CNTNAP5: variants seen among roughly 807,000 people sequenced by gnomAD.
CNTNAP5 encodes contactin-associated protein-like 5.
CNTNAP5 carries 72 observed loss-of-function variants against 150.2 expected under a neutral mutation model. The observed-to-expected ratio is 0.48, with a 90% CI of 0.40 to 0.58. The LOEUF (loss-of-function observed/expected upper bound fraction) is 0.58, where lower values mean the gene tolerates loss of function less well. Ranked by LOEUF, CNTNAP5 falls within the 20% of genes least tolerant of loss-of-function variation. The pLI, the probability that CNTNAP5 is intolerant of heterozygous loss-of-function variation, is 0.00. For synonymous variants in CNTNAP5, 672 were observed against 619.8 expected (o/e 1.08, Z -1.25); for missense variants, 1,636 against 1,626.2 (o/e 1.01, Z -0.10).
chr2:124,234,778 G>A (rs1241946896), intron 2 of CNTNAP5, among the ~76,000 whole-genome samples: 1 of 152,096 alleles, frequency 6.6e-6, no homozygotes, highest in African/African-American at 2.4e-5. Context: ...TTTTCCAAAG[G>A]GAAGATATTT....
intron 1 of CNTNAP5, among the ~76,000 whole-genome samples, chr2:124,193,681 G>A (rs1056904215): frequency 6.6e-6 from 1 of 152,176 alleles, no homozygotes; most frequent in African/African-American, 2.4e-5. Flanking sequence ...ACTGGACAAG[G>A]AGGGAGCGAA....
chr2:124,225,428 G>A (rs1224190165), intron 2 of CNTNAP5, among the ~76,000 whole-genome samples: 2 of 152,114 alleles, frequency 1.3e-5, no homozygotes, highest in Non-Finnish European at 1.5e-5. Flanking sequence ...CAGTGTTTTA[G>A]ACAGGGAAAG....
chr2:124,068,208 T>G (rs181658109), intron 1 of CNTNAP5, among the ~76,000 whole-genome samples: 1 of 152,286 alleles, frequency 6.6e-6, no homozygotes, highest in African/African-American at 2.4e-5. Context: ...AGAGTCAGTC[T>G]TGAATCATTG....
chr2:124,122,551 T>C (rs1394135282), intron 1 of CNTNAP5, among the ~76,000 whole-genome samples: 1 of 152,154 alleles, frequency 6.6e-6, no homozygotes, highest in Non-Finnish European at 1.5e-5. Context: ...AAAATGAGTT[T>C]CATTCAACTT....
intron 4 of CNTNAP5, among the ~76,000 whole-genome samples, chr2:124,430,452 C>G (rs1188701165): frequency 1.3e-5 from 2 of 152,176 alleles, no homozygotes; most frequent in Non-Finnish European, 2.9e-5. Context: ...ATCCTAGCCC[C>G]ACACATACAT....
rs1677701590 is a variant in CNTNAP5 at position 124,869,566 on chromosome 2, G to A, written c.3349-109G>A. ...TCTCCTGAGAGAAAATCTCAGAGGG[G>A]GGTCTGCTATCTGTATGCATTTTTT... On this transcript the variant is annotated intron_variant, in intron 20 of 23. Coordinates refer to ENST00000682447, the MANE Select transcript of CNTNAP5 (RefSeq NM_001367498.1). The A allele has an allele frequency of 1.8e-5, 12 of 665,386 alleles. No individual in the cohort carries two copies. In the South Asian group the frequency reaches 2.1e-4, roughly 12 times the overall value. The allele number at this position is 665,386 out of a possible 1,614,324, so 41.2% of individuals were successfully genotyped here.
At chr2:124,130,648 G>A (rs980417186) in intron 1 of CNTNAP5, among the ~76,000 whole-genome samples, 1 of 152,038 alleles carries the variant, frequency 6.6e-6, no homozygotes, top group African/African-American at 2.4e-5. Flanking sequence ...CACTGGTGGC[G>A]ACAGCATCCT....
At chr2:124,614,493 AG>A (rs1266853887) in intron 12 of CNTNAP5, among the ~76,000 whole-genome samples, 2 of 152,190 alleles carry the variant, frequency 1.3e-5, no homozygotes, top group Non-Finnish European at 2.9e-5. Context: ...ATGCTAAACA[AG>A]GGGGGATTTA....
intron 10 of CNTNAP5, among the ~76,000 whole-genome samples, chr2:124,533,963 G>A (rs2104897964): frequency 6.6e-6 from 1 of 152,190 alleles, no homozygotes; most frequent in East Asian, 1.9e-4. Flanking sequence ...TATATAATAG[G>A]AGTGACTCCA....
At chr2:124,071,522 C>A (rs1170149453) in intron 1 of CNTNAP5, among the ~76,000 whole-genome samples, 1 of 151,560 alleles carries the variant, frequency 6.6e-6, no homozygotes, top group Non-Finnish European at 1.5e-5. Flanking sequence ...TAAGAAATTC[C>A]AACTGATACT....
intron 3 of CNTNAP5, among the ~76,000 whole-genome samples, chr2:124,409,795 A>G (rs962107345): frequency 1.2e-4 from 19 of 152,072 alleles, no homozygotes; most frequent in African/African-American, 4.6e-4. Flanking sequence ...AAAGACCATC[A>G]AGACTAGGCA....
intron 1 of CNTNAP5, among the ~76,000 whole-genome samples, chr2:124,163,702 A>C (rs751449939): frequency 6.6e-6 from 1 of 152,126 alleles, no homozygotes; most frequent in Non-Finnish European, 1.5e-5. Context: ...ACAGCCCTTA[A>C]GATTATATGC....
At chr2:124,420,885 G>A (rs970571152) in intron 4 of CNTNAP5, among the ~76,000 whole-genome samples, 2 of 152,124 alleles carry the variant, frequency 1.3e-5, no homozygotes, top group African/African-American at 4.8e-5. Flanking sequence ...TTTCTCTAGG[G>A]AAACTCTGAC....
At chr2:124,899,517 T>A (rs1325818473) in intron 21 of CNTNAP5, among the ~76,000 whole-genome samples, 2 of 151,804 alleles carry the variant, frequency 1.3e-5, no homozygotes, top group Non-Finnish European at 2.9e-5. Context: ...GACATTTGGA[T>A]ATGCTGTTGT....
intron 23 of CNTNAP5, among the ~76,000 whole-genome samples, chr2:124,913,289 C>A (rs1274562682): frequency 6.6e-6 from 1 of 152,046 alleles, no homozygotes; most frequent in African/African-American, 2.4e-5. Flanking sequence ...GACACATCTG[C>A]CGCTTCCATG....
intron 6 of CNTNAP5, among the ~76,000 whole-genome samples, chr2:124,447,673 T>G (rs1388427429): frequency 6.6e-6 from 1 of 152,114 alleles, no homozygotes; most frequent in Non-Finnish European, 1.5e-5. Context: ...AAGTTTAGAA[T>G]AGAGAAATTT....
At chr2:124,590,782 T>G (rs1016949826) in intron 11 of CNTNAP5, among the ~76,000 whole-genome samples, 1 of 152,214 alleles carries the variant, frequency 6.6e-6, no homozygotes, top group Non-Finnish European at 1.5e-5. Flanking sequence ...CAGCTTCTTG[T>G]CTATTTCTAT....
At chr2:124,264,377 CACACACACACAT>C (rs756017373) in intron 3 of CNTNAP5, among the ~76,000 whole-genome samples, 1,249 of 44,364 alleles carry the variant, frequency 0.028, 11 homozygotes, top group Admixed American at 0.079. Context: ...CACACAGGCA[CACACACACACAT>C]ACACACACAC....
chr2:124,764,220 C>G, intron 16 of CNTNAP5, 73 bp downstream of exon 16: 3 of 1,142,988 alleles, frequency 2.6e-6, no homozygotes, highest in Non-Finnish European at 2.6e-6. Context: ...TGCCACCAGT[C>G]ACTAGTGGGC....
Sources: gnomAD v4.1 joint callset for allele counts (sites outside exome capture counted in the v4.1 genomes callset) on GRCh38, gnomAD v4.1.1 for gene constraint, MANE v1.5 for transcripts, NCBI Gene and HGNC (gene_info 2026-07-23, HGNC 2026-07-21) for gene names.